Variants in TRIM37 observed in about 807,000 individuals in gnomAD.
TRIM37 encodes tripartite motif containing 37, also known as E3 ubiquitin-protein ligase TRIM37.
In TRIM37, 80 loss-of-function variants were observed where a neutral mutation model predicts 129.8. The observed-to-expected ratio is 0.62, with a 90% CI of 0.51 to 0.74. The LOEUF (loss-of-function observed/expected upper bound fraction) is 0.74. Ranked by LOEUF, TRIM37 falls within the 30% of genes least tolerant of loss-of-function variation. The probability of loss-of-function intolerance (pLI) is 0.00; values close to 1 mark genes in which losing one functional copy is unlikely to be tolerated. For missense variants in TRIM37, 1,054 were observed against 1,176.5 expected, an observed-to-expected ratio of 0.90 and a Z score of 1.52; for synonymous variants, 389 against 387.1, an observed-to-expected ratio of 1.00 and a Z score of -0.06.
chr17:59,057,577 G>T (rs1018977656), intron 12 of TRIM37, among the ~76,000 whole-genome samples: 1 of 152,142 alleles, frequency 6.6e-6, no homozygotes, highest in Admixed American at 6.5e-5. Context: ...AGGCTAGAGG[G>T]CAGTGGCGGG....
chr17:59,025,668 C>G (rs1342311751), intron 19 of TRIM37, among the ~76,000 whole-genome samples: 1 of 151,904 alleles, frequency 6.6e-6, no homozygotes, highest in African/African-American at 2.4e-5. Flanking sequence ...TTTGGCATCA[C>G]CCGAATACTG....
intron 2 of TRIM37, among the ~76,000 whole-genome samples, chr17:59,097,642 G>C (rs2045032985): frequency 1.3e-5 from 2 of 152,148 alleles, no homozygotes; most frequent in South Asian, 2.1e-4. Flanking sequence ...GCCAAGACAA[G>C]AGGGTCTCTT....
intron 8 of TRIM37, among the ~76,000 whole-genome samples, chr17:59,074,458 G>A (rs764699868): frequency 6.6e-6 from 1 of 152,160 alleles, no homozygotes; most frequent in African/African-American, 2.4e-5. Context: ...AAAAATAAGA[G>A]TATTTAGTAA....
intron 16 of TRIM37, 100 bp from the exon 17 acceptor site, chr17:59,041,998 T>C (rs1348638689): frequency 2.5e-6 from 2 of 812,160 alleles, no homozygotes; most frequent in African/African-American, 3.4e-5. Context: ...TTCTGTGAAA[T>C]AAGATATTTC....
intron 19 of TRIM37, among the ~76,000 whole-genome samples, chr17:59,017,802 T>C (rs1255954798): frequency 1.3e-5 from 2 of 152,006 alleles, no homozygotes; most frequent in East Asian, 3.9e-4. Flanking sequence ...TTTTTGTATT[T>C]TTAGTAGAGA....
intron 17 of TRIM37, among the ~76,000 whole-genome samples, 157 bp from the exon 18 acceptor site, chr17:59,032,247 C>G (rs531349553): frequency 2.0e-5 from 3 of 152,074 alleles, no homozygotes; most frequent in Admixed American, 6.5e-5. Context: ...GAACCAGGGC[C>G]GGGCGCGGTG....
the TRIM37 span, among the ~76,000 whole-genome samples, chr17:58,972,624 T>G: frequency 1.0e-3 from 157 of 152,338 alleles, 2 homozygotes; most frequent in African/African-American, 3.7e-3. Context: ...GTACTGGGAT[T>G]ATAGGCGTGA....
intron 17 of TRIM37, among the ~76,000 whole-genome samples, chr17:59,039,178 G>C (rs931885287): frequency 6.6e-6 from 1 of 152,160 alleles, no homozygotes; most frequent in African/African-American, 2.4e-5. Flanking sequence ...ATGCATGCGT[G>C]TGTTTCCCTT....
intron 4 of TRIM37, among the ~76,000 whole-genome samples, chr17:59,087,219 C>G (rs1049059901): frequency 1.3e-5 from 2 of 152,044 alleles, no homozygotes; most frequent in Admixed American, 6.5e-5. Context: ...CCTCAGCCCC[C>G]CAAGTAGCTG....
chr17:59,098,312 C>T (rs1420322110), intron 2 of TRIM37, among the ~76,000 whole-genome samples: 1 of 152,088 alleles, frequency 6.6e-6, no homozygotes, highest in Middle Eastern at 3.2e-3. Flanking sequence ...GTGGTGATGG[C>T]TGCACAACAA....
rs1599637733 is a variant in TRIM37 at position 59,106,599 on chromosome 17, A to T, written c.-138T>A. On this transcript the variant is annotated 5_prime_UTR_variant, in exon 1 of 24. Coordinates refer to ENST00000262294, the MANE Select transcript of TRIM37 (RefSeq NM_015294.6). Reference sequence around the variant, plus strand: ...GTCAGGGGGCTCTGACAACCGCCCCACCTGCGCGCCCCATCTCTTCAGGTC... The same window carrying T: ...GTCAGGGGGCTCTGACAACCGCCCCTCCTGCGCGCCCCATCTCTTCAGGTC... The T allele has an allele frequency of 9.9e-7, 1 of 1,006,098 alleles. No individual in the cohort carries two copies. Among genetic ancestry groups the T allele is most frequent in the Non-Finnish European group, 1.5e-6 (1 of 659,274 alleles). 62.3% of individuals were successfully genotyped at this position (1,006,098 alleles called of 1,614,324 possible). A position where few individuals can be genotyped will look rare whatever the true frequency, so the allele number is the denominator to read the frequency against.
chr17:59,101,655 C>CAAAA (rs763661189), intron 2 of TRIM37, among the ~76,000 whole-genome samples: 238 of 57,930 alleles, frequency 4.1e-3, no homozygotes, highest in Non-Finnish European at 4.7e-3. Context: ...CCCATCTCTA[C>CAAAA]AAAAAAAAAA....
chr17:59,006,318 T>C (rs964043812), intron 22 of TRIM37, among the ~76,000 whole-genome samples: 1 of 152,184 alleles, frequency 6.6e-6, no homozygotes, highest in African/African-American at 2.4e-5. Flanking sequence ...GAAATCTGCA[T>C]CTTATTACTC....
chr17:59,091,556 C>T (rs868101384), intron 2 of TRIM37, among the ~76,000 whole-genome samples: 16 of 4,890 alleles, frequency 3.3e-3, no homozygotes, highest in African/African-American at 0.023. Flanking sequence ...ATATATTATA[C>T]ATTATATATA....
intron 2 of TRIM37, among the ~76,000 whole-genome samples, chr17:59,101,655 C>CAAAAAAAA (rs763661189): frequency 1.5e-4 from 9 of 58,762 alleles, no homozygotes; most frequent in East Asian, 6.1e-4. Context: ...CCCATCTCTA[C>CAAAAAAAA]AAAAAAAAAA....
downstream of TRIM37, among the ~76,000 whole-genome samples, chr17:58,994,570 G>A (rs1156329563): frequency 1.3e-5 from 2 of 152,054 alleles, no homozygotes; most frequent in African/African-American, 2.4e-5. Flanking sequence ...GCAACAGAAT[G>A]AGACCGTCTC....
At chr17:59,053,042 T>C (rs1472857281) in intron 13 of TRIM37, among the ~76,000 whole-genome samples, 1 of 152,128 alleles carries the variant, frequency 6.6e-6, no homozygotes, top group African/African-American at 2.4e-5. Flanking sequence ...TGAGTAGAGA[T>C]GATTCACTCA....
the TRIM37 span, chr17:58,973,009 A>G: frequency 1.2e-6 from 1 of 805,892 alleles, no homozygotes; most frequent in Non-Finnish European, 2.0e-6. Context: ...GGAACCTGAG[A>G]TGATAATTTA....
At chr17:59,037,708 G>A (rs2145792286) in intron 17 of TRIM37, among the ~76,000 whole-genome samples, 1 of 151,556 alleles carries the variant, frequency 6.6e-6, no homozygotes, top group South Asian at 2.1e-4. Flanking sequence ...TCATTACTAT[G>A]GTATATTTGT....
Sources: gnomAD v4.1 joint callset for allele counts (sites outside exome capture counted in the v4.1 genomes callset) on GRCh38, gnomAD v4.1.1 for gene constraint, MANE v1.5 for transcripts, NCBI Gene and HGNC (gene_info 2026-07-23, HGNC 2026-07-21) for gene names.